TPRG1: variants seen among roughly 807,000 people sequenced by gnomAD.
TPRG1 encodes tumor protein p63 regulated 1, also known as tumor protein p63-regulated gene 1 protein.
In TPRG1, 29 loss-of-function variants were observed where a neutral mutation model predicts 29.3. The ratio of observed to expected loss-of-function variants is 0.99; its 90% CI spans 0.74 to 1.35. The LOEUF is 1.35. Ranked by LOEUF, TPRG1 falls within the 40% of genes most tolerant of loss-of-function variation. TPRG1 has a pLI of 0.00. For synonymous variants in TPRG1, 130 were observed against 116.8 expected, an observed-to-expected ratio of 1.11 and a Z score of -0.73; for missense variants, 327 against 335.0, an observed-to-expected ratio of 0.98 and a Z score of 0.19.
At chr3:189,286,416 C>T (rs1718066700) in intron 4 of TPRG1, among the ~76,000 whole-genome samples, 1 of 152,112 alleles carries the variant, frequency 6.6e-6, no homozygotes, top group Non-Finnish European at 1.5e-5. Flanking sequence ...TTCACTGATG[C>T]ATCCTCTGTG....
At chr3:189,208,665 T>G (rs1181118740) in intron 2 of TPRG1, among the ~76,000 whole-genome samples, 2 of 152,204 alleles carry the variant, frequency 1.3e-5, no homozygotes, top group Non-Finnish European at 2.9e-5. Flanking sequence ...TATGTGTGTT[T>G]GTGTGAGTGT....
At chr3:189,312,101 CTTTGTT>C (rs1321758649) in intron 5 of TPRG1, among the ~76,000 whole-genome samples, 1 of 62,776 alleles carries the variant, frequency 1.6e-5, no homozygotes, top group African/African-American at 6.7e-5. Context: ...TTCTTTGTTT[CTTTGTT>C]TCTTTCTTTG....
chr3:189,167,603 C>G (rs1728314731), upstream of TPRG1, among the ~76,000 whole-genome samples: 1 of 152,154 alleles, frequency 6.6e-6, no homozygotes, highest in Admixed American at 6.5e-5. Flanking sequence ...AGAACAAAAC[C>G]AAGCACAAGG....
upstream of TPRG1, among the ~76,000 whole-genome samples, chr3:189,169,648 T>C (rs1728575534): frequency 6.6e-6 from 1 of 152,238 alleles, no homozygotes; most frequent in Admixed American, 6.5e-5. Flanking sequence ...TGAATTCTTA[T>C]ATATAGCCAT....
chr3:189,126,275 G>T (rs1043653590), intron 1 of TPRG1, among the ~76,000 whole-genome samples: 1 of 152,052 alleles, frequency 6.6e-6, no homozygotes. Flanking sequence ...TCATAAGGTG[G>T]CATGACCTTC....
intron 4 of TPRG1, among the ~76,000 whole-genome samples, chr3:189,305,176 T>G (rs1033980273): frequency 6.6e-6 from 1 of 152,044 alleles, no homozygotes; most frequent in Non-Finnish European, 1.5e-5. Flanking sequence ...GAGGCCAGGG[T>G]AGAAGGAGAG....
chr3:189,293,206 G>C lies in TPRG1; in HGVS notation c.480-17180G>C, dbSNP rs1195804627. On this transcript the variant is annotated intron_variant, in intron 4 of 5. Coordinates refer to ENST00000345063, the MANE Select transcript of TPRG1 (RefSeq NM_198485.4). ...CCCAGGTTATAAATGAGATGATGTG[G>C]AGGCTCCTCTGGCAGTGTCCTTAGC... is the stretch of plus-strand genomic sequence containing the variant. Among the ~76,000 whole-genome samples the C allele has an allele frequency of 1.3e-5, 2 of 152,166 alleles. 1 individual carries two copies. The highest frequency in any genetic ancestry group is 2.9e-5 in the Non-Finnish European group (2 of 68,038).
chr3:189,093,011 T>TTCC (rs1718437899), intron 4 of TPRG1, among the ~76,000 whole-genome samples: 1 of 146,478 alleles, frequency 6.8e-6, no homozygotes, highest in East Asian at 2.0e-4. Context: ...CTTCTTCTTC[T>TTCC]GTGATTAAAC....
At chr3:189,133,735 C>A (rs1723380221) in intron 3 of TPRG1, among the ~76,000 whole-genome samples, 1 of 152,170 alleles carries the variant, frequency 6.6e-6, no homozygotes, top group South Asian at 2.1e-4. Context: ...TAACACATGG[C>A]TCCTCACTTA....
At chr3:189,224,430 A>C (rs1029257848) in intron 3 of TPRG1, among the ~76,000 whole-genome samples, 2 of 152,182 alleles carry the variant, frequency 1.3e-5, no homozygotes, top group Admixed American at 1.3e-4. Flanking sequence ...CAGTGAACCA[A>C]GATCGTGCCA....
At chr3:189,259,741 A>C (rs559848605) in intron 4 of TPRG1, among the ~76,000 whole-genome samples, 1 of 152,090 alleles carries the variant, frequency 6.6e-6, no homozygotes, top group Non-Finnish European at 1.5e-5. Flanking sequence ...GACTGCTGGG[A>C]TTATAGGTGC....
chr3:189,216,269 C>T (rs1263162639), intron 3 of TPRG1, among the ~76,000 whole-genome samples: 1 of 152,112 alleles, frequency 6.6e-6, no homozygotes, highest in East Asian at 1.9e-4. Context: ...CTCTGTGATT[C>T]CTATACCTTG....
chr3:189,313,158 A>T (rs530424095), intron 5 of TPRG1: 1 of 151,958 alleles, frequency 6.6e-6, no homozygotes, highest in East Asian at 1.9e-4. Flanking sequence ...AATGATCTCC[A>T]TCTGGAATGT....
At chr3:189,056,077 C>CTTCA (rs1715669877) in intron 4 of TPRG1, among the ~76,000 whole-genome samples, 1 of 135,244 alleles carries the variant, frequency 7.4e-6, no homozygotes, top group East Asian at 2.4e-4. Context: ...TCCTTCCTTC[C>CTTCA]TTCCTTCCTT....
At chr3:189,126,629 A>G (rs148520562) in intron 1 of TPRG1, among the ~76,000 whole-genome samples, 62 of 152,276 alleles carry the variant, frequency 4.1e-4, no homozygotes, top group African/African-American at 1.2e-3. Flanking sequence ...TTCCATTTCC[A>G]TTATTTCCTA....
chr3:189,184,860 G>T (rs1730706082), intron 1 of TPRG1, among the ~76,000 whole-genome samples: 1 of 152,194 alleles, frequency 6.6e-6, no homozygotes, highest in African/African-American at 2.4e-5. Flanking sequence ...TGTTAGCAGT[G>T]GGGGTGAGAT....
At chr3:189,316,641 GAAT>G (rs895611227) in intron 5 of TPRG1, among the ~76,000 whole-genome samples, 9 of 152,164 alleles carry the variant, frequency 5.9e-5, no homozygotes, top group African/African-American at 2.2e-4. Context: ...GGAAAGTCAA[GAAT>G]AATACGATGT....
intron 4 of TPRG1, among the ~76,000 whole-genome samples, chr3:189,289,449 A>G (rs1174271298): frequency 6.7e-6 from 1 of 148,338 alleles, no homozygotes; most frequent in African/African-American, 2.5e-5. Flanking sequence ...TGTTTTCCTG[A>G]CTGTGATTCT....
intron 4 of TPRG1, among the ~76,000 whole-genome samples, chr3:189,244,109 A>C (rs981672224): frequency 1.3e-5 from 2 of 152,146 alleles, no homozygotes; most frequent in African/African-American, 2.4e-5. Context: ...TGCTATAAAG[A>C]AATATCTGCG....
Sources: allele counts gnomAD v4.1 joint callset (sites outside exome capture counted in the v4.1 genomes callset), GRCh38; gene constraint gnomAD v4.1.1; transcripts MANE v1.5; gene names NCBI Gene and HGNC (gene_info 2026-07-23, HGNC 2026-07-21).